SCAMP5: variants seen among roughly 807,000 people sequenced by gnomAD.
The protein encoded by SCAMP5 is secretory carrier-associated membrane protein 5.
In SCAMP5, 7 loss-of-function variants were observed where a neutral mutation model predicts 28.3. The ratio of observed to expected loss-of-function variants is 0.25; its 90% CI spans 0.14 to 0.46. SCAMP5 has a LOEUF of 0.46. SCAMP5 is among the 20% of genes least tolerant of loss of function. The pLI, the probability that SCAMP5 is intolerant of heterozygous loss-of-function variation, is 0.99. For missense variants in SCAMP5, 192 were observed against 312.5 expected (o/e 0.61, Z 2.91); for synonymous variants, 117 against 116.4 (o/e 1.00, Z -0.03).
At chr15:75,016,436 T>G (rs1488979319) in intron 3 of SCAMP5, among the ~76,000 whole-genome samples, 157 bp from the exon 4 acceptor site, 1 of 152,192 alleles carries the variant, frequency 6.6e-6, no homozygotes, top group African/African-American at 2.4e-5. Flanking sequence ...TGTGAATGTG[T>G]CTGCATCTCT....
Position 75,018,855 on chromosome 15 carries a change from G to A in SCAMP5, c.580G>A (p.Ala194Thr), listed in dbSNP as rs200660538. Residue 194 changes from alanine (A) to threonine (T), a missense_variant, in exon 7 of 7, where the codon GCC (alanine) becomes ACC (threonine). Physicochemically the swap from Ala to Thr is moderately conservative, Grantham distance 58. Coordinates refer to ENST00000425597, the MANE Select transcript of SCAMP5 (RefSeq NM_138967.4). The surrounding 1 kb of genome is among the most constrained non-coding windows in gnomAD (Gnocchi z 5.6). ...SKAQEEWTTG[A>T]WKNPHVQQAA... Reference sequence around the variant, plus strand: ...AGCTCAGGAGGAGTGGACCACAGGGGCCTGGAAGAATCCACATGTGCAGCA... The same window carrying A: ...AGCTCAGGAGGAGTGGACCACAGGGACCTGGAAGAATCCACATGTGCAGCA... 233 of 1,596,150 alleles carry A rather than the reference G, an allele frequency of 1.5e-4. No individual in the cohort carries two copies. The highest frequency in any genetic ancestry group is 1.7e-4 in the Middle Eastern group (1 of 5,994).
Position 75,018,837 on chromosome 15 carries a change from G to A in SCAMP5, c.562G>A (p.Glu188Lys). The A allele has an allele frequency of 6.2e-7, 1 of 1,602,544 alleles. No homozygotes were observed. The highest frequency in any genetic ancestry group is 8.5e-7 in the Non-Finnish European group (1 of 1,177,038). ...GSGGSFSKAQ[E>K]EWTTGAWKNP... ...TGGGGGGAGTTTCAGCAAAGCTCAG[G>A]AGGAGTGGACCACAGGGGCCTGGAA... The change falls in exon 7 of 7, where the codon GAG becomes AAG. Residue 188 changes from glutamate to lysine, a missense_variant. By Grantham distance (56) the Glu-to-Lys change is moderately conservative. Transcript: ENST00000425597. This position sits in a 1 kb window ranked among gnomAD's most constrained non-coding sequence, Gnocchi z 5.6.
In SCAMP5 at chr15:74,996,510, G is replaced by A. The variant is rs530748223; in HGVS notation, c.-49+837G>A. Among the ~76,000 whole-genome samples, 73 of 152,204 alleles carry A rather than the reference G, an allele frequency of 4.8e-4. No homozygotes were observed. Among genetic ancestry groups the A allele is most frequent in the Admixed American group, 1.1e-3 (17 of 15,276 alleles). On this transcript the variant is annotated intron_variant, in intron 1 of 6. Transcript: ENST00000425597. The surrounding 1 kb of genome is among the most constrained non-coding windows in gnomAD (Gnocchi z 4.1). The stretch of plus-strand genomic sequence containing the variant: ...CTTTCCCAGGGACACAGAGAGAAAG[G>A]GAGGCGACAGCTAGCGAATAGGAGA...
At position 75,011,396 on chromosome 15, in the gene SCAMP5, T is replaced by A. The variant is rs17336797; in HGVS notation, c.-48-396T>A. On this transcript the variant is annotated intron_variant, in intron 1 of 6. Transcript: ENST00000425597. ...TCTCACTCATTCTTCCAGCACCATA[T>A]AAGTGTCCTAATAAATGAACAAAGG... Among the ~76,000 whole-genome samples, 474 of 152,196 alleles carry A rather than the reference T, an allele frequency of 3.1e-3. 1 individual carries two copies. The highest frequency in any genetic ancestry group is 7.8e-3 in the Admixed American group (119 of 15,268).
chr15:75,005,285 A>G (rs2065745736), intron 1 of SCAMP5, among the ~76,000 whole-genome samples: 1 of 152,014 alleles, frequency 6.6e-6, no homozygotes, highest in South Asian at 2.1e-4. Flanking sequence ...CAACATGGAG[A>G]AACGCCATCT....
At chr15:75,006,064 C>A (rs1020726997) in intron 1 of SCAMP5, among the ~76,000 whole-genome samples, 4 of 139,066 alleles carry the variant, frequency 2.9e-5, no homozygotes, top group Non-Finnish European at 6.0e-5. Flanking sequence ...GTGGCGTGCT[C>A]TCGGCTCACT....
Position 75,010,429 on chromosome 15 carries a change from C to T in SCAMP5, c.-48-1363C>T, listed in dbSNP as rs75792958. On this transcript the variant is annotated intron_variant, in intron 1 of 6. Coordinates refer to ENST00000425597, the MANE Select transcript of SCAMP5 (RefSeq NM_138967.4). ...AAAACCAAGACCCCTTCAAACTTGT[C>T]TCCTAAGGGTCTCAGGAAGCACATC... Among the ~76,000 whole-genome samples the T allele has an allele frequency of 5.3e-3, 801 of 152,272 alleles. 8 individuals are homozygous for T. Among genetic ancestry groups the T allele is most frequent in the African/African-American group, 0.018 (748 of 41,532 alleles).
At chr15:75,009,898 A>C (rs990907170) in intron 1 of SCAMP5, 1 of 152,252 alleles carries the variant, frequency 6.6e-6, no homozygotes, top group African/African-American at 2.4e-5. Context: ...CAGAACCCCG[A>C]CCAAGAACAG....
At chr15:75,017,661 CT>C in intron 4 of SCAMP5, 3 of 607,882 alleles carry the variant, frequency 4.9e-6, no homozygotes, top group Non-Finnish European at 8.8e-6. Flanking sequence ...TGGGAAATCC[CT>C]CCCTGTGTAA....
Position 75,018,030 on chromosome 15 carries a change from G to A in SCAMP5, c.395+59G>A. The A allele has an allele frequency of 9.3e-7, 1 of 1,080,492 alleles. No homozygotes were observed. Among genetic ancestry groups the A allele is most frequent in the Non-Finnish European group, 1.4e-6 (1 of 705,342 alleles). The allele number at this position is 1,080,492 out of a possible 1,614,324, so 66.9% of individuals were successfully genotyped here. A position where few individuals can be genotyped will look rare whatever the true frequency, so the allele number is the denominator to read the frequency against. ...GGGTGGCGTTGTGGGTGTATCTTTT[G>A]CTTACCTTTGTGTGCTAAGCTGTCT... On this transcript the variant is annotated intron_variant, in intron 5 of 6. Transcript: ENST00000425597. The surrounding 1 kb of genome is among the most constrained non-coding windows in gnomAD (Gnocchi z 5.6).
intron 1 of SCAMP5, among the ~76,000 whole-genome samples, chr15:75,004,147 G>A (rs1280369624): frequency 2.0e-5 from 3 of 151,852 alleles, no homozygotes; most frequent in Non-Finnish European, 2.9e-5. Flanking sequence ...CAGGTGATCC[G>A]CCCGCCTCGG....
rs993716388 is a variant in SCAMP5, at chr15:75,011,772, T to C, written c.-48-20T>C. ...GTGTGGCCCTGATCTCATCCTTCTC[T>C]GGCTTTTCTTTCCTTGCAGTTCAGG... On this transcript the variant is annotated intron_variant, in intron 1 of 6. Coordinates refer to ENST00000425597, the MANE Select transcript of SCAMP5 (RefSeq NM_138967.4). 6.1e-6 allele frequency: 9 copies of C among 1,482,752 alleles called. No homozygotes were observed. Among genetic ancestry groups the C allele is most frequent in the Middle Eastern group, 1.7e-4 (1 of 5,788 alleles). The allele number at this position is 1,482,752 out of a possible 1,614,324, so 91.8% of individuals were successfully genotyped here.
intron 3 of SCAMP5, among the ~76,000 whole-genome samples, chr15:75,014,361 TGAA>T (rs35119011): frequency 0.1 from 15,318 of 152,054 alleles, 979 homozygotes; most frequent in Middle Eastern, 0.28. Context: ...GGGAAGCAAA[TGAA>T]GAAGTTACCT....
At chr15:74,999,353 G>T (rs1045958744) in intron 1 of SCAMP5, among the ~76,000 whole-genome samples, 2 of 152,126 alleles carry the variant, frequency 1.3e-5, no homozygotes, top group African/African-American at 4.8e-5. Context: ...TCCAGTCTCA[G>T]CCATCCCTTC....
In SCAMP5 at chr15:75,007,290, C is replaced by G. The variant is rs560788257; in HGVS notation, c.-48-4502C>G. 2.1e-3 allele frequency among the ~76,000 whole-genome samples: 321 copies of G among 152,330 alleles called. 3 individuals carry two copies. Among genetic ancestry groups the G allele is most frequent in the Middle Eastern group, 3.4e-3 (1 of 294 alleles). On this transcript the variant is annotated intron_variant, in intron 1 of 6. Coordinates refer to ENST00000425597, the MANE Select transcript of SCAMP5 (RefSeq NM_138967.4). The stretch of plus-strand genomic sequence containing the variant: ...TCCCCAAATAATCAGCACACTGATT[C>G]ATTTGCCCTCTCCTGTAGTATACGG...
At chr15:75,001,986 G>T (rs1185265229) in intron 1 of SCAMP5, among the ~76,000 whole-genome samples, 1 of 151,258 alleles carries the variant, frequency 6.6e-6, no homozygotes, top group Non-Finnish European at 1.5e-5. Flanking sequence ...CGCATCTGTA[G>T]TCCCAGCTAC....
intron 3 of SCAMP5, among the ~76,000 whole-genome samples, chr15:75,014,433 G>A (rs1292886688): frequency 6.6e-6 from 1 of 152,028 alleles, no homozygotes; most frequent in African/African-American, 2.4e-5. Flanking sequence ...GGCTCACAAC[G>A]AGGCCATGTT....
chr15:75,007,186 C>T (rs1284855983), intron 1 of SCAMP5, among the ~76,000 whole-genome samples: 2 of 152,128 alleles, frequency 1.3e-5, no homozygotes, highest in Admixed American at 6.5e-5. Context: ...CTGATACCTC[C>T]GCTTTGAATC....
intron 3 of SCAMP5, 49 bp from the exon 4 acceptor site, chr15:75,016,544 T>C: frequency 6.4e-7 from 1 of 1,570,894 alleles, no homozygotes; most frequent in Non-Finnish European, 8.6e-7. Context: ...TGTCTCTCTA[T>C]GGGCCTGGGT....
Sources: gnomAD v4.1 joint callset for allele counts (sites outside exome capture counted in the v4.1 genomes callset) on GRCh38, gnomAD v4.1.1 for gene constraint, Gnocchi (gnomAD v3.1) non-coding constraint, MANE v1.5 for transcripts, NCBI Gene and HGNC (gene_info 2026-07-23, HGNC 2026-07-21) for gene names.